Variants in NLRP5 observed in about 807,000 individuals in gnomAD.
The protein encoded by NLRP5 is NACHT, LRR and PYD domains-containing protein 5.
Under a neutral mutation model 113.1 loss-of-function variants are expected in NLRP5, and 93 were observed. That is an observed-to-expected ratio of 0.82 (90% CI 0.70 to 0.98). The LOEUF is 0.98. NLRP5 is among the 50% of genes least tolerant of loss of function. NLRP5 has a pLI of 0.00. For synonymous variants in NLRP5, 751 were observed against 600.7 expected (o/e 1.25, Z -3.66); for missense variants, 1,808 against 1,514.3 (o/e 1.19, Z -3.22).
chr19:56,022,521 G>A (rs944314672), intron 6 of NLRP5, among the ~76,000 whole-genome samples: 3 of 152,064 alleles, frequency 2.0e-5, no homozygotes, highest in Non-Finnish European at 2.9e-5. Flanking sequence ...GAGCCACTAC[G>A]CCCAGCCAAT....
intron 6 of NLRP5, among the ~76,000 whole-genome samples, chr19:56,021,138 G>A (rs1202011148): frequency 6.6e-6 from 1 of 152,086 alleles, no homozygotes; most frequent in African/African-American, 2.4e-5. Context: ...CCAAAGTGCT[G>A]GGATTACAGG....
At chr19:56,037,693 C>CA (rs11301032) in intron 9 of NLRP5, among the ~76,000 whole-genome samples, 1,855 of 87,626 alleles carry the variant, frequency 0.021, 35 homozygotes, top group African/African-American at 0.058. Context: ...GACCCTGTCT[C>CA]AAAAAAAAAA....
Position 56,027,400 on chromosome 19 carries a change from C to G in NLRP5, c.1167C>G (p.Thr389=), listed in dbSNP as rs1368915213. Residue 389 remains threonine, a synonymous_variant, in exon 7 of 15, where the codon ACC becomes ACG. Coordinates refer to ENST00000390649, the MANE Select transcript of NLRP5 (RefSeq NM_153447.4). Reference sequence around the variant, plus strand: ...GGGCTGAGAAGCAGCCTCCGTTCACCCTCATACGCAGTCTGCTGAGGAAGG... The same window carrying G: ...GGGCTGAGAAGCAGCCTCCGTTCACGCTCATACGCAGTCTGCTGAGGAAGG... The G allele has an allele frequency of 1.2e-5, 19 of 1,613,496 alleles. No individual in the cohort carries two copies. The highest frequency in any genetic ancestry group is 1.6e-5 in the Non-Finnish European group (19 of 1,179,712).
chr19:56,056,578 C>T (rs779584594), intron 13 of NLRP5, among the ~76,000 whole-genome samples: 30 of 152,094 alleles, frequency 2.0e-4, no homozygotes, highest in Admixed American at 5.2e-4. Flanking sequence ...AGCATCCCTG[C>T]GGTAGTTAAT....
At chr19:56,032,221 T>G (rs1420191637) in intron 7 of NLRP5, among the ~76,000 whole-genome samples, 1 of 152,056 alleles carries the variant, frequency 6.6e-6, no homozygotes, top group African/African-American at 2.4e-5. Flanking sequence ...GGCATGCGCC[T>G]GTAGTCCCAG....
chr19:56,050,440 A>G lies in NLRP5; in HGVS notation c.2980A>G (p.Thr994Ala), dbSNP rs748035503. 11 of 1,613,682 alleles carry G rather than the reference A, an allele frequency of 6.8e-6. No individual in the cohort carries two copies. Among genetic ancestry groups the G allele is most frequent in the African/African-American group, 1.3e-5 (1 of 74,910 alleles). The change falls in exon 12 of 15, where the codon ACG becomes GCG. Residue 994 changes from threonine (T) to alanine (A), a missense_variant. Coordinates refer to ENST00000390649, the MANE Select transcript of NLRP5 (RefSeq NM_153447.4). ...CAGGCTGAATCAGTGCCACCTGGAC[A>G]CGGCTGGCTGTGGTTTTCTTGCACT...
intron 3 of NLRP5, among the ~76,000 whole-genome samples, chr19:56,010,755 A>AAAT (rs78321861): frequency 3.2e-5 from 4 of 125,980 alleles, no homozygotes; most frequent in African/African-American, 3.0e-5. Flanking sequence ...AAAAAAAAAA[A>AAAT]GTCCCTTGAA....
intron 7 of NLRP5, among the ~76,000 whole-genome samples, chr19:56,032,340 A>G (rs143365462): frequency 2.2e-3 from 291 of 133,722 alleles, no homozygotes; most frequent in African/African-American, 6.9e-3. Flanking sequence ...GCGAGACTCC[A>G]TCTCAAAAAA....
At chr19:56,052,843 C>A (rs1983981152) in intron 12 of NLRP5, among the ~76,000 whole-genome samples, 1 of 152,234 alleles carries the variant, frequency 6.6e-6, no homozygotes, top group Admixed American at 6.5e-5. Flanking sequence ...TCCATCTTGG[C>A]TCTGTCAGAA....
At position 56,007,888 on chromosome 19, in the gene NLRP5, T is replaced by TGCGC. The variant is rs774769276; in HGVS notation, c.443-898_443-895dup. Reference sequence around the variant, plus strand: ...GACAGTTTGTGTGTGTGTGTGTGTGTGCGCGTGCGCGCGTGCGTGTGTGTG... The same window carrying TGCGC: ...GACAGTTTGTGTGTGTGTGTGTGTGTGCGCGCGCGTGCGCGCGTGCGTGTGTGTG... On this transcript the variant is annotated intron_variant, in intron 2 of 14. Transcript: ENST00000390649. Among the ~76,000 whole-genome samples the TGCGC allele has an allele frequency of 4.4e-5, 3 of 67,992 alleles. 1 individual carries two copies. The highest frequency in any genetic ancestry group is 1.4e-4 in the African/African-American group (3 of 21,068). 44.6% of individuals were successfully genotyped at this position (67,992 alleles called of 152,430 possible).
chr19:56,048,741 T>G (rs974342356), intron 11 of NLRP5, among the ~76,000 whole-genome samples: 3 of 152,112 alleles, frequency 2.0e-5, no homozygotes, highest in South Asian at 2.1e-4. Context: ...TCTTTGTGCT[T>G]CTTGTATTTG....
chr19:56,050,617 T>C, intron 12 of NLRP5, 29 bp downstream of exon 12: 1 of 1,605,222 alleles, frequency 6.2e-7, no homozygotes, highest in Non-Finnish European at 8.5e-7. Flanking sequence ...TTGGGTCAAC[T>C]CTATCATACT....
chr19:55,993,247 C>T, the NLRP5 span, among the ~76,000 whole-genome samples: 1 of 151,428 alleles, frequency 6.6e-6, no homozygotes, highest in Non-Finnish European at 1.5e-5. Flanking sequence ...ACACTCTGTC[C>T]TCCCTTCTAG....
rs199475778 is a variant in NLRP5 at position 56,032,903 on chromosome 19, A to G, written c.2447+122A>G. ...CAGCCTGAGGGCATAAGTGCCACCA[A>G]AGGTGTAGGAACCAAGTTCCCAAAA... is the stretch of plus-strand genomic sequence containing the variant. On this transcript the variant is annotated intron_variant, in intron 8 of 14. Transcript: ENST00000390649. The G allele has an allele frequency of 7.2e-6, 7 of 969,710 alleles. No individual in the cohort carries two copies. In the African/African-American group the frequency reaches 1.1e-4, roughly 16 times the overall value. The allele number at this position is 969,710 out of a possible 1,614,324, so 60.1% of individuals were successfully genotyped here.
intron 13 of NLRP5, among the ~76,000 whole-genome samples, chr19:56,054,617 T>C (rs943979114): frequency 6.7e-6 from 1 of 150,154 alleles, no homozygotes; most frequent in African/African-American, 2.4e-5. Context: ...TGGATGAGCC[T>C]TGAAAACGTC....
chr19:55,989,599 G>T, the NLRP5 span, among the ~76,000 whole-genome samples: 1 of 152,092 alleles, frequency 6.6e-6, no homozygotes, highest in Non-Finnish European at 1.5e-5. Context: ...AAGGTGTGGC[G>T]GGAAGTGTGT....
upstream of NLRP5, among the ~76,000 whole-genome samples, chr19:55,999,363 C>A (rs186064674): frequency 6.6e-6 from 1 of 151,710 alleles, no homozygotes; most frequent in Admixed American, 6.6e-5. Flanking sequence ...TACAGGTGCG[C>A]GCCACCATGC....
chr19:56,012,448 C>CTTTTTT (rs60128070), intron 3 of NLRP5, among the ~76,000 whole-genome samples: 1 of 136,140 alleles, frequency 7.3e-6, no homozygotes, highest in Non-Finnish European at 1.6e-5. Flanking sequence ...GCGCCTTGGC[C>CTTTTTT]TTTTTTTTTT....
intron 11 of NLRP5, among the ~76,000 whole-genome samples, chr19:56,041,913 T>A (rs10420406): frequency 6.6e-6 from 1 of 152,088 alleles, no homozygotes; most frequent in Non-Finnish European, 1.5e-5. Context: ...GAGCTGAGAT[T>A]GTGCCATTGC....
Sources: gnomAD v4.1 joint callset for allele counts (sites outside exome capture counted in the v4.1 genomes callset) on GRCh38, gnomAD v4.1.1 for gene constraint, MANE v1.5 for transcripts, NCBI Gene and HGNC (gene_info 2026-07-23, HGNC 2026-07-21) for gene names.